The following CDH13 variants were observed in gnomAD, a reference collection of about 807,000 sequenced individuals.
CDH13 encodes cadherin-13.
In CDH13, 24 loss-of-function variants were observed where a neutral mutation model predicts 63.8. That is an observed-to-expected ratio of 0.38 (90% CI 0.27 to 0.53). CDH13 has a LOEUF of 0.53. Among genes scored for constraint, CDH13 ranks in the 20% least tolerant of loss-of-function variants. The probability of loss-of-function intolerance (pLI) is 0.85; values close to 1 mark genes in which losing one functional copy is unlikely to be tolerated. For missense variants in CDH13, 1,049 were observed against 903.1 expected (o/e 1.16, Z -2.07); for synonymous variants, 503 against 355.3 (o/e 1.42, Z -4.67).
intron 3 of CDH13, among the ~76,000 whole-genome samples, chr16:83,071,213 A>G (rs1328095503): frequency 6.6e-6 from 1 of 152,188 alleles, no homozygotes; most frequent in African/African-American, 2.4e-5. Context: ...AGAAGCCTCT[A>G]CAACACAGCA....
intron 6 of CDH13, among the ~76,000 whole-genome samples, chr16:83,390,340 T>C (rs915016527): frequency 6.6e-6 from 1 of 152,188 alleles, no homozygotes; most frequent in Non-Finnish European, 1.5e-5. Flanking sequence ...ACCCTGCATA[T>C]GCCATAATTT....
chr16:82,837,204 G>A (rs184313228), intron 1 of CDH13, among the ~76,000 whole-genome samples: 6 of 152,276 alleles, frequency 3.9e-5, no homozygotes, highest in Non-Finnish European at 5.9e-5. Context: ...CAGGCTCAGC[G>A]GGGTGACCTC....
intron 2 of CDH13, among the ~76,000 whole-genome samples, chr16:82,911,980 C>G (rs548271672): frequency 2.0e-5 from 3 of 152,138 alleles, no homozygotes; most frequent in African/African-American, 7.2e-5. Flanking sequence ...GTGCTTGTGA[C>G]CCACGATTCA....
At chr16:83,549,760 A>G (rs908726603) in intron 7 of CDH13, among the ~76,000 whole-genome samples, 3 of 152,214 alleles carry the variant, frequency 2.0e-5, no homozygotes, top group Non-Finnish European at 4.4e-5. Flanking sequence ...AAACTTGTCA[A>G]CTAAAGAAAG....
At chr16:83,496,855 T>C (rs1383036704) in intron 7 of CDH13, among the ~76,000 whole-genome samples, 1 of 152,080 alleles carries the variant, frequency 6.6e-6, no homozygotes, top group Non-Finnish European at 1.5e-5. Context: ...GCGAAGGACA[T>C]GAACAGACAC....
intron 1 of CDH13, among the ~76,000 whole-genome samples, chr16:82,633,770 G>A (rs998362685): frequency 1.3e-5 from 2 of 152,132 alleles, no homozygotes; most frequent in African/African-American, 4.8e-5. Context: ...TAACACCCAC[G>A]GCCGTTCTAC....
intron 1 of CDH13, among the ~76,000 whole-genome samples, chr16:82,782,513 C>G (rs942811828): frequency 1.3e-5 from 2 of 150,536 alleles, no homozygotes; most frequent in Non-Finnish European, 2.9e-5. Context: ...GATCGTACCA[C>G]TGCACTCCAG....
At chr16:83,737,513 T>G (rs967758672) in intron 10 of CDH13, among the ~76,000 whole-genome samples, 1 of 152,172 alleles carries the variant, frequency 6.6e-6, no homozygotes, top group Non-Finnish European at 1.5e-5. Flanking sequence ...AGGGTTCTTT[T>G]TTTTTTGGGA....
intron 2 of CDH13, among the ~76,000 whole-genome samples, chr16:82,872,937 A>C (rs4513093): frequency 6.6e-6 from 1 of 152,108 alleles, no homozygotes; most frequent in African/African-American, 2.4e-5. Context: ...TGATGATATC[A>C]GAGAGAGAAA....
chr16:83,413,634 G>A (rs11859173), intron 6 of CDH13, among the ~76,000 whole-genome samples: 6,105 of 152,194 alleles, frequency 0.04, 414 homozygotes, highest in African/African-American at 0.13. Context: ...GCCCATAATA[G>A]GCTGTGCCAA....
intron 6 of CDH13, among the ~76,000 whole-genome samples, chr16:83,360,333 A>G (rs569402661): frequency 6.6e-6 from 1 of 152,230 alleles, no homozygotes; most frequent in African/African-American, 2.4e-5. Context: ...TATGAGAATT[A>G]AATGAGATAA....
chr16:82,933,843 T>TC (rs2042580060), intron 2 of CDH13, among the ~76,000 whole-genome samples: 2 of 152,230 alleles, frequency 1.3e-5, no homozygotes, highest in African/African-American at 4.8e-5. Flanking sequence ...CTCCTTTGAC[T>TC]CTGTGTCTCA....
intron 1 of CDH13, among the ~76,000 whole-genome samples, chr16:82,772,025 G>A (rs1362496205): frequency 6.6e-6 from 1 of 152,236 alleles, no homozygotes; most frequent in East Asian, 1.9e-4. Flanking sequence ...ATGTGTTACA[G>A]ACAAAGCAGA....
At chr16:82,853,945 T>A (rs572636044) in intron 1 of CDH13, among the ~76,000 whole-genome samples, 19 of 152,344 alleles carry the variant, frequency 1.2e-4, no homozygotes, top group Non-Finnish European at 1.8e-4. Context: ...AGAAAGGGCT[T>A]GCCTGGTTTT....
At chr16:82,920,129 G>C (rs1413679585) in intron 2 of CDH13, among the ~76,000 whole-genome samples, 1 of 152,164 alleles carries the variant, frequency 6.6e-6, no homozygotes, top group Admixed American at 6.5e-5. Flanking sequence ...TCCATGAATA[G>C]GGCTGGCTTC....
chr16:82,903,943 C>A (rs1006398478), intron 2 of CDH13, among the ~76,000 whole-genome samples: 2 of 152,140 alleles, frequency 1.3e-5, no homozygotes, highest in African/African-American at 4.8e-5. Context: ...TGTCTGTCTG[C>A]TTCTCTGTAT....
intron 1 of CDH13, among the ~76,000 whole-genome samples, chr16:82,636,503 C>T (rs1007525817): frequency 6.6e-6 from 1 of 152,178 alleles, no homozygotes; most frequent in African/African-American, 2.4e-5. Context: ...GAAACATTGC[C>T]AAGCCCTTTA....
chr16:83,714,084 A>G (rs1908508589), intron 10 of CDH13, among the ~76,000 whole-genome samples: 1 of 152,148 alleles, frequency 6.6e-6, no homozygotes, highest in Admixed American at 6.5e-5. Flanking sequence ...TGGGGCAGTG[A>G]GTGGAGGGGG....
chr16:83,534,441 A>G (rs11861722), intron 7 of CDH13, among the ~76,000 whole-genome samples: 23,026 of 152,114 alleles, frequency 0.15, 2,194 homozygotes, highest in African/African-American at 0.28. Flanking sequence ...CTTCAGGTAA[A>G]GTTCTTGCTG....
Sources: allele counts gnomAD v4.1 joint callset (sites outside exome capture counted in the v4.1 genomes callset), GRCh38; gene constraint gnomAD v4.1.1; transcripts MANE v1.5; gene names NCBI Gene and HGNC (gene_info 2026-07-23, HGNC 2026-07-21).